The following SV2C variants were observed in gnomAD, a reference collection of about 807,000 sequenced individuals.
SV2C encodes synaptic vesicle glycoprotein 2C, also known as solute carrier family 22 member B3.
SV2C carries 49 observed loss-of-function variants against 79.7 expected under a neutral mutation model. The observed-to-expected ratio is 0.61, with a 90% CI of 0.49 to 0.78. The LOEUF (loss-of-function observed/expected upper bound fraction) is 0.78. SV2C is among the 30% of genes least tolerant of loss of function. The pLI, the probability that SV2C is intolerant of heterozygous loss-of-function variation, is 0.00. For synonymous variants in SV2C, 334 were observed against 333.2 expected (o/e 1.00, Z -0.03); for missense variants, 833 against 912.9 (o/e 0.91, Z 1.13).
chr5:76,250,209 T>TA (rs11399033), intron 4 of SV2C, among the ~76,000 whole-genome samples: 2,267 of 152,218 alleles, frequency 0.015, 27 homozygotes, highest in Admixed American at 0.022. Context: ...CTGCTTTTTT[T>TA]AAAATATGAT....
At chr5:75,984,598 C>CCTACCTATCTATCTATCTAT in the SV2C span, among the ~76,000 whole-genome samples, 67 of 82,466 alleles carry the variant, frequency 8.1e-4, no homozygotes, top group African/African-American at 2.4e-3. Flanking sequence ...TATCTATCTA[C>CCTACCTATCTATCTATCTAT]CTATCTATCT....
At chr5:76,017,506 T>C in the SV2C span, among the ~76,000 whole-genome samples, 1 of 152,164 alleles carries the variant, frequency 6.6e-6, no homozygotes, top group Non-Finnish European at 1.5e-5. Flanking sequence ...CTCAAACTCC[T>C]GACTTCAAGT....
intron 1 of SV2C, among the ~76,000 whole-genome samples, chr5:76,108,188 A>T (rs1747985872): frequency 6.6e-6 from 1 of 152,198 alleles, no homozygotes; most frequent in Non-Finnish European, 1.5e-5. Flanking sequence ...TGTAATATGA[A>T]AGCAACTTAA....
At chr5:76,162,805 C>T (rs2112252291) in intron 2 of SV2C, among the ~76,000 whole-genome samples, 1 of 152,322 alleles carries the variant, frequency 6.6e-6, no homozygotes, top group South Asian at 2.1e-4. Flanking sequence ...GCTCCTCCAC[C>T]TCTTTTACCA....
At position 76,285,869 on chromosome 5, in the gene SV2C, C is replaced by A; in HGVS notation, c.1136C>A (p.Thr379Lys). 1 of 1,613,282 alleles carries A rather than the reference C, an allele frequency of 6.2e-7. No homozygotes were observed. Among genetic ancestry groups the A allele is most frequent in the Non-Finnish European group, 8.5e-7 (1 of 1,179,530 alleles). ...CGGGGTCAGCCTGAGAAGGTCTTCA[C>A]GGTGAGTCTTCTCCCCAGAGAATCC... is the stretch of plus-strand genomic sequence containing the variant. ...RARGQPEKVFTVNKIKTPKQI... is the reference protein window; with the variant it reads ...RARGQPEKVFKVNKIKTPKQI... Residue 379 changes from threonine to lysine, a missense_variant and splice_region_variant, in exon 6 of 13, where the codon ACG becomes AAG. Coordinates refer to ENST00000502798, the MANE Select transcript of SV2C (RefSeq NM_014979.4).
chr5:75,868,545 G>T, the SV2C span, among the ~76,000 whole-genome samples: 1 of 152,206 alleles, frequency 6.6e-6, no homozygotes, highest in Admixed American at 6.5e-5. Context: ...GCTTTAGGAA[G>T]TACCTGCTCC....
At chr5:76,166,247 T>C (rs1183285507) in intron 2 of SV2C, among the ~76,000 whole-genome samples, 1 of 152,192 alleles carries the variant, frequency 6.6e-6, no homozygotes, top group Non-Finnish European at 1.5e-5. Context: ...CACAGTAGCT[T>C]CCACAACCCT....
chr5:76,057,782 C>T, the SV2C span, among the ~76,000 whole-genome samples: 4 of 151,914 alleles, frequency 2.6e-5, no homozygotes, highest in Non-Finnish European at 5.9e-5. Context: ...CATAATTATT[C>T]TGGGTTAAAT....
At chr5:76,080,190 T>A (rs923091631), upstream of SV2C, among the ~76,000 whole-genome samples, 5 of 152,164 alleles carry the variant, frequency 3.3e-5, no homozygotes, top group Non-Finnish European at 7.4e-5. Context: ...TAAAATGTGG[T>A]GCTTATAAGA....
At chr5:75,887,880 C>T in the SV2C span, among the ~76,000 whole-genome samples, 1,699 of 152,182 alleles carry the variant, frequency 0.011, 23 homozygotes, top group African/African-American at 0.036. Context: ...GTCCTTGAAG[C>T]GGTTTTTAAA....
At chr5:75,898,070 T>C in the SV2C span, among the ~76,000 whole-genome samples, 2 of 152,054 alleles carry the variant, frequency 1.3e-5, no homozygotes, top group Admixed American at 6.5e-5. Flanking sequence ...TTCCTTCTCC[T>C]GCCTAATTGC....
At chr5:76,033,126 C>T in the SV2C span, among the ~76,000 whole-genome samples, 6 of 151,972 alleles carry the variant, frequency 3.9e-5, no homozygotes, top group Non-Finnish European at 7.4e-5. Context: ...TGTTTGAGTT[C>T]ATTGTAGATT....
chr5:75,968,154 C>T, the SV2C span, among the ~76,000 whole-genome samples: 1 of 152,128 alleles, frequency 6.6e-6, no homozygotes, highest in Non-Finnish European at 1.5e-5. Context: ...AGGACATCCA[C>T]ACCAAAAACC....
intron 12 of SV2C, among the ~76,000 whole-genome samples, chr5:76,349,384 G>A (rs150432064): frequency 1.2e-4 from 18 of 152,124 alleles, no homozygotes; most frequent in South Asian, 2.1e-4. Flanking sequence ...ATGGTGACGC[G>A]CACCTGTAAC....
At chr5:76,125,718 G>A (rs979377230) in intron 1 of SV2C, among the ~76,000 whole-genome samples, 1 of 152,168 alleles carries the variant, frequency 6.6e-6, no homozygotes, top group African/African-American at 2.4e-5. Context: ...GATAAAGAAA[G>A]TGGAGGAACT....
At chr5:75,859,879 C>G in the SV2C span, among the ~76,000 whole-genome samples, 1 of 132,740 alleles carries the variant, frequency 7.5e-6, no homozygotes, top group African/African-American at 4.0e-5. Context: ...CTCTCCTTCA[C>G]TGATTAATCC....
the SV2C span, among the ~76,000 whole-genome samples, chr5:75,859,159 T>A: frequency 6.6e-6 from 1 of 152,192 alleles, no homozygotes; most frequent in East Asian, 1.9e-4. Context: ...TTTTTTCCTA[T>A]GTTCACTAAA....
At chr5:75,959,162 G>C in the SV2C span, among the ~76,000 whole-genome samples, 2 of 151,920 alleles carry the variant, frequency 1.3e-5, no homozygotes, top group Non-Finnish European at 2.9e-5. Context: ...TAGGGTTTCT[G>C]ACCTGTGACA....
chr5:76,037,530 T>C, the SV2C span, among the ~76,000 whole-genome samples: 2 of 152,280 alleles, frequency 1.3e-5, no homozygotes, highest in African/African-American at 2.4e-5. Context: ...CTGTCCCTGC[T>C]GGGGGGTGCC....
Sources: gnomAD v4.1 joint callset for allele counts (sites outside exome capture counted in the v4.1 genomes callset) on GRCh38, gnomAD v4.1.1 for gene constraint, MANE v1.5 for transcripts, NCBI Gene and HGNC (gene_info 2026-07-23, HGNC 2026-07-21) for gene names.